Variants in COL26A1 observed in about 807,000 individuals in gnomAD.
The protein encoded by COL26A1 is collagen type XXVI alpha 1 chain.
COL26A1 carries 41 observed loss-of-function variants against 59.3 expected under a neutral mutation model. The ratio of observed to expected loss-of-function variants is 0.69; its 90% CI spans 0.54 to 0.90. The LOEUF is 0.90. Among genes scored for constraint, COL26A1 ranks in the 40% least tolerant of loss-of-function variants. COL26A1 has a pLI of 0.00. For synonymous variants in COL26A1, 266 were observed against 256.0 expected (o/e 1.04, Z -0.37); for missense variants, 612 against 602.3 (o/e 1.02, Z -0.17).
intron 2 of COL26A1, among the ~76,000 whole-genome samples, chr7:101,445,713 C>A (rs1793173785): frequency 1.1e-5 from 1 of 93,714 alleles, no homozygotes. Flanking sequence ...GCCTGGGCGA[C>A]AGAGCGAGAC....
intron 3 of COL26A1, among the ~76,000 whole-genome samples, chr7:101,505,538 G>A (rs1011051090): frequency 6.6e-6 from 1 of 152,320 alleles, no homozygotes; most frequent in Admixed American, 6.5e-5. Context: ...AAGCTGAGGA[G>A]CAAGGAAGCC....
chr7:101,546,316 C>G (rs1181624511), intron 7 of COL26A1, among the ~76,000 whole-genome samples: 1 of 152,120 alleles, frequency 6.6e-6, no homozygotes, highest in Non-Finnish European at 1.5e-5. Context: ...CTCCCTGCAG[C>G]CTCTCACTCC....
chr7:101,475,818 TTC>T lies in COL26A1; in HGVS notation c.385+28039_385+28040del, dbSNP rs746851797. Among the ~76,000 whole-genome samples the T allele has an allele frequency of 9.1e-4, 121 of 133,624 alleles. 1 individual carries two copies. Among genetic ancestry groups the T allele is most frequent in the African/African-American group, 3.2e-3 (112 of 34,762 alleles). The allele number at this position is 133,624 out of a possible 152,430, so 87.7% of individuals were successfully genotyped here. ...CTTCCTTCCTTCCTTCTTTCTTTCTTTCTCTCTCTTTCTCTCTCTCTCTTTCT... is the reference window on the plus strand; with the variant it reads ...CTTCCTTCCTTCCTTCTTTCTTTCTTTCTCTCTTTCTCTCTCTCTCTTTCT... On this transcript the variant is annotated intron_variant, in intron 3 of 12. Transcript: ENST00000313669.
At chr7:101,425,981 C>G (rs1792638534) in intron 2 of COL26A1, among the ~76,000 whole-genome samples, 2 of 151,698 alleles carry the variant, frequency 1.3e-5, no homozygotes, top group South Asian at 4.2e-4. Flanking sequence ...TGTGTGCCAC[C>G]ACACCTGGCT....
At chr7:101,422,342 A>G (rs1470710610) in intron 2 of COL26A1, among the ~76,000 whole-genome samples, 1 of 142,282 alleles carries the variant, frequency 7.0e-6, no homozygotes, top group Non-Finnish European at 1.5e-5. Context: ...TTTAAATGCT[A>G]TACTAGAGAG....
At chr7:101,414,066 C>T (rs774284713) in intron 1 of COL26A1, among the ~76,000 whole-genome samples, 11 of 152,122 alleles carry the variant, frequency 7.2e-5, no homozygotes, top group Non-Finnish European at 1.5e-4. Flanking sequence ...TCCCCACAAC[C>T]GCGGCTACCT....
chr7:101,393,191 ACAGGGTATAT>A (rs1791774838), intron 1 of COL26A1, among the ~76,000 whole-genome samples: 1 of 151,982 alleles, frequency 6.6e-6, no homozygotes. Context: ...TTTAGTACAG[ACAGGGTATAT>A]TAGTCAGAGT....
At chr7:101,396,730 T>G (rs1250010435) in intron 1 of COL26A1, among the ~76,000 whole-genome samples, 1 of 152,148 alleles carries the variant, frequency 6.6e-6, no homozygotes, top group Admixed American at 6.5e-5. Context: ...CCAAAGGTGC[T>G]GGGGTTACAG....
intron 3 of COL26A1, among the ~76,000 whole-genome samples, chr7:101,487,908 A>C (rs1399588762): frequency 6.6e-6 from 1 of 152,084 alleles, no homozygotes; most frequent in African/African-American, 2.4e-5. Flanking sequence ...TGTTATAGAG[A>C]TGGGGTCTCA....
chr7:101,518,765 A>G (rs768372548), intron 3 of COL26A1, among the ~76,000 whole-genome samples: 1 of 152,174 alleles, frequency 6.6e-6, no homozygotes, highest in Non-Finnish European at 1.5e-5. Flanking sequence ...TGCTGCCCCA[A>G]ACAACTGCTG....
chr7:101,459,918 T>C (rs980525527), intron 3 of COL26A1, among the ~76,000 whole-genome samples: 5 of 152,224 alleles, frequency 3.3e-5, no homozygotes, highest in African/African-American at 1.2e-4. Flanking sequence ...GCCCCGACTC[T>C]AGCTCTGTGT....
chr7:101,515,981 G>A (rs982726208), intron 3 of COL26A1, among the ~76,000 whole-genome samples: 12 of 152,284 alleles, frequency 7.9e-5, no homozygotes, highest in African/African-American at 2.9e-4. Context: ...GAAGGCGAGG[G>A]GGATGCTTTG....
chr7:101,414,431 T>TG (rs1365375033), intron 1 of COL26A1, among the ~76,000 whole-genome samples: 9 of 139,608 alleles, frequency 6.4e-5, no homozygotes, highest in African/African-American at 2.1e-4. Flanking sequence ...TCACTCTGTG[T>TG]TTGTGTGTGT....
At chr7:101,439,829 C>T (rs11762611) in intron 2 of COL26A1, among the ~76,000 whole-genome samples, 20,975 of 152,010 alleles carry the variant, frequency 0.14, 2,918 homozygotes, top group African/African-American at 0.36. Flanking sequence ...GACAACACCC[C>T]GCTCCAGAGC....
At position 101,451,228 on chromosome 7, in the gene COL26A1, G is replaced by A. The variant is rs187298712; in HGVS notation, c.385+3441G>A. Among the ~76,000 whole-genome samples the A allele has an allele frequency of 3.4e-3, 484 of 143,286 alleles. 6 individuals are homozygous for A. The highest frequency in any genetic ancestry group is 0.011 in the African/African-American group (451 of 39,486). 94.0% of individuals were successfully genotyped at this position (143,286 alleles called of 152,430 possible). A position where few individuals can be genotyped will look rare whatever the true frequency, so the allele number is the denominator to read the frequency against. ...AATAATATATATAAAATATGTTACT[G>A]TAGACAATTTATACATTGTATATAA... On this transcript the variant is annotated intron_variant, in intron 3 of 12. Transcript: ENST00000313669.
intron 1 of COL26A1, among the ~76,000 whole-genome samples, chr7:101,410,528 A>G (rs918813444): frequency 6.6e-6 from 1 of 152,212 alleles, no homozygotes; most frequent in Non-Finnish European, 1.5e-5. Flanking sequence ...ATGACTGTAC[A>G]TGTAATCATG....
At chr7:101,527,537 T>C (rs1446082681) in intron 3 of COL26A1, among the ~76,000 whole-genome samples, 4 of 151,450 alleles carry the variant, frequency 2.6e-5, no homozygotes, top group African/African-American at 7.3e-5. Context: ...GGTTTCACCA[T>C]GTTGGCCAGG....
chr7:101,518,643 A>G (rs1346973525), intron 3 of COL26A1, among the ~76,000 whole-genome samples: 1 of 152,202 alleles, frequency 6.6e-6, no homozygotes, highest in African/African-American at 2.4e-5. Context: ...ACTTGAAGCA[A>G]TAACTTCAGA....
At chr7:101,443,114 C>T (rs1793102348) in intron 2 of COL26A1, among the ~76,000 whole-genome samples, 1 of 26,686 alleles carries the variant, frequency 3.7e-5, no homozygotes, top group Non-Finnish European at 7.5e-5. Flanking sequence ...CTCATCATCG[C>T]ATACCAGAGT....
Sources: allele counts gnomAD v4.1 joint callset (sites outside exome capture counted in the v4.1 genomes callset), GRCh38; gene constraint gnomAD v4.1.1; transcripts MANE v1.5; gene names NCBI Gene and HGNC (gene_info 2026-07-23, HGNC 2026-07-21).